MAST2: variants seen among roughly 807,000 people sequenced by gnomAD.
The protein encoded by MAST2 is microtubule-associated serine/threonine-protein kinase 2.
A neutral mutation model predicts 147.4 loss-of-function variants in MAST2; 70 were observed. The ratio of observed to expected loss-of-function variants is 0.47; its 90% CI spans 0.39 to 0.58. MAST2 has a LOEUF of 0.58. Among genes scored for constraint, MAST2 ranks in the 20% least tolerant of loss-of-function variants. The probability of loss-of-function intolerance (pLI) is 0.00; values close to 1 mark genes in which losing one functional copy is unlikely to be tolerated. For synonymous variants in MAST2, 869 were observed against 896.8 expected (o/e 0.97, Z 0.55); for missense variants, 2,080 against 2,302.3 (o/e 0.90, Z 1.98).
At position 45,854,010 on chromosome 1, in the gene MAST2, A is replaced by C. The variant is rs371415145; in HGVS notation, c.468+24429A>C. 6.6e-5 allele frequency among the ~76,000 whole-genome samples: 10 copies of C among 152,092 alleles called. No individual in the cohort carries two copies. The East Asian group carries it at 1.5e-3, about 23-fold the overall frequency. On this transcript the variant is annotated intron_variant, in intron 3 of 28. Coordinates refer to ENST00000361297, the MANE Select transcript of MAST2 (RefSeq NM_015112.3). The stretch of plus-strand genomic sequence containing the variant: ...TTATTGAAAAGTGTGTCCTTTCTGC[A>C]TTGAATTGCTTTTCCACTTTTGCCA...
chr1:45,940,097 A>C (rs1214451953), intron 4 of MAST2, among the ~76,000 whole-genome samples: 2 of 142,180 alleles, frequency 1.4e-5, no homozygotes, highest in East Asian at 4.4e-4. Context: ...GGTTCAAGTG[A>C]TTCTCCTGCC....
chr1:45,810,308 A>G (rs1213899336), intron 1 of MAST2, among the ~76,000 whole-genome samples: 1 of 152,188 alleles, frequency 6.6e-6, no homozygotes, highest in Non-Finnish European at 1.5e-5. Context: ...AATTATTTTA[A>G]TGGAAATCAG....
chr1:45,804,974 T>C (rs181453295), intron 1 of MAST2, among the ~76,000 whole-genome samples: 1 of 152,228 alleles, frequency 6.6e-6, no homozygotes, highest in Non-Finnish European at 1.5e-5. Context: ...TCCTACTGAC[T>C]TCATCCATGA....
intron 5 of MAST2, among the ~76,000 whole-genome samples, chr1:45,970,020 T>C (rs1332830853): frequency 1.3e-5 from 2 of 152,146 alleles, no homozygotes; most frequent in Non-Finnish European, 2.9e-5. Flanking sequence ...GAATTGGGTA[T>C]TTCTTCCCCC....
intron 3 of MAST2, among the ~76,000 whole-genome samples, chr1:45,833,620 A>G (rs1645023399): frequency 6.6e-6 from 1 of 152,124 alleles, no homozygotes; most frequent in Non-Finnish European, 1.5e-5. Flanking sequence ...CATCCTTGCT[A>G]TCCTGGTGGG....
intron 4 of MAST2, among the ~76,000 whole-genome samples, chr1:45,897,504 T>G (rs1382695333): frequency 6.6e-6 from 1 of 152,024 alleles, no homozygotes; most frequent in East Asian, 1.9e-4. Flanking sequence ...TAAAGGTGAT[T>G]TGGGGAGGAA....
intron 4 of MAST2, among the ~76,000 whole-genome samples, chr1:45,894,105 A>G (rs941704346): frequency 1.3e-5 from 2 of 151,960 alleles, no homozygotes; most frequent in Admixed American, 6.6e-5. Flanking sequence ...GGTCCCAGCT[A>G]CTTGGGAGGC....
In MAST2 at chr1:46,025,692, C is replaced by G. The variant is rs1646378896; in HGVS notation, c.1796C>G (p.Thr599Ser). The G allele has an allele frequency of 6.2e-7, 1 of 1,614,164 alleles. No homozygotes were observed. Among genetic ancestry groups the G allele is most frequent in the South Asian group, 1.1e-5 (1 of 91,082 alleles). Reference sequence around the variant, plus strand: ...CTTGTTGCAGGGGGAGACTGTGCCACTCTGCTGAAGAATATTGGGGCCCTG... The same window carrying G: ...CTTGTTGCAGGGGGAGACTGTGCCAGTCTGCTGAAGAATATTGGGGCCCTG... ...MEYVEGGDCA[T>S]LLKNIGALPV... Residue 599 changes from threonine (T) to serine (S), a missense_variant, in exon 16 of 29, where the codon ACT (threonine) becomes AGT (serine). This residue lies in a region of MAST2 where 209 missense variants were observed against 309.5 expected (regional missense o/e 0.68). Coordinates refer to ENST00000361297, the MANE Select transcript of MAST2 (RefSeq NM_015112.3).
chr1:46,025,243 TG>T, intron 15 of MAST2, among the ~76,000 whole-genome samples: 1 of 152,248 alleles, frequency 6.6e-6, no homozygotes, highest in East Asian at 1.9e-4. Context: ...CGCTTGAACC[TG>T]GGAGGCAGAG....
chr1:45,820,547 A>C (rs1287871614), intron 1 of MAST2, among the ~76,000 whole-genome samples: 1 of 152,176 alleles, frequency 6.6e-6, no homozygotes, highest in African/African-American at 2.4e-5. Context: ...GGCAGATTAC[A>C]TCTTTATTCA....
At chr1:45,970,798 GTT>G (rs770669631) in intron 5 of MAST2, among the ~76,000 whole-genome samples, 5 of 130,680 alleles carry the variant, frequency 3.8e-5, no homozygotes, top group Non-Finnish European at 3.2e-5. Flanking sequence ...ACTAAGAAGT[GTT>G]TTTTTTTTTT....
chr1:45,805,008 C>T (rs1178515325), intron 1 of MAST2, among the ~76,000 whole-genome samples: 1 of 151,328 alleles, frequency 6.6e-6, no homozygotes, highest in Non-Finnish European at 1.5e-5. Flanking sequence ...TCTTATAGGT[C>T]TCTTACCTCT....
intron 6 of MAST2, among the ~76,000 whole-genome samples, chr1:45,998,274 C>T (rs752733553): frequency 3.9e-5 from 6 of 152,108 alleles, no homozygotes; most frequent in Non-Finnish European, 7.4e-5. Flanking sequence ...AGCTGGAGTT[C>T]GTTTGGGGGA....
At chr1:45,819,742 A>C (rs1644563618) in intron 1 of MAST2, among the ~76,000 whole-genome samples, 2 of 152,178 alleles carry the variant, frequency 1.3e-5, no homozygotes, top group Admixed American at 1.3e-4. Flanking sequence ...GATTGGAAAA[A>C]TCACTATTAA....
At chr1:45,850,314 G>A (rs1228045710) in intron 3 of MAST2, among the ~76,000 whole-genome samples, 1 of 152,074 alleles carries the variant, frequency 6.6e-6, no homozygotes, top group Non-Finnish European at 1.5e-5. Context: ...TTGTTTAATT[G>A]TTTAAGTTCT....
chr1:45,809,972 A>G (rs1644244689), intron 1 of MAST2, among the ~76,000 whole-genome samples: 1 of 152,220 alleles, frequency 6.6e-6, no homozygotes, highest in Admixed American at 6.5e-5. Context: ...GAATGAAAGG[A>G]TGAATCAGTG....
At chr1:45,854,732 C>T (rs1233180597) in intron 3 of MAST2, among the ~76,000 whole-genome samples, 1 of 152,102 alleles carries the variant, frequency 6.6e-6, no homozygotes, top group African/African-American at 2.4e-5. Context: ...GTACACCAAA[C>T]AGCAGACAGA....
intron 5 of MAST2, among the ~76,000 whole-genome samples, chr1:45,993,172 T>G (rs1395530637): frequency 6.6e-6 from 1 of 152,070 alleles, no homozygotes; most frequent in East Asian, 1.9e-4. Flanking sequence ...TTAAAGAGAT[T>G]TAAATAATAA....
Position 46,032,168 on chromosome 1 carries a change from C to A in MAST2, c.3188-10C>A. The A allele has an allele frequency of 6.2e-7, 1 of 1,612,070 alleles. No individual in the cohort carries two copies. The highest frequency in any genetic ancestry group is 8.5e-7 in the Non-Finnish European group (1 of 1,178,114). On this transcript the variant is annotated splice_polypyrimidine_tract_variant and intron_variant, in intron 24 of 28. Coordinates refer to ENST00000361297, the MANE Select transcript of MAST2 (RefSeq NM_015112.3). ...TCTGACCCACTAAGTCCTGGCTTCT[C>A]CTTCTCCAGAACACCACACCTGCTC...
Sources: gnomAD v4.1 joint callset for allele counts (sites outside exome capture counted in the v4.1 genomes callset) on GRCh38, gnomAD v4.1.1 for gene constraint, gnomAD v4.1.1 regional missense constraint, MANE v1.5 for transcripts, NCBI Gene and HGNC (gene_info 2026-07-23, HGNC 2026-07-21) for gene names.